Variants in INTS9 observed in about 807,000 individuals in gnomAD.
The protein encoded by INTS9 is protein related to CPSF subunits of 74 kDa.
INTS9 carries 55 observed loss-of-function variants against 79.7 expected under a neutral mutation model. The observed-to-expected ratio is 0.69, with a 90% CI of 0.56 to 0.86. The LOEUF is 0.86. Ranked by LOEUF, INTS9 falls within the 40% of genes least tolerant of loss-of-function variation. The pLI is 0.00. For synonymous variants in INTS9, 319 were observed against 325.2 expected, an observed-to-expected ratio of 0.98 and a Z score of 0.20; for missense variants, 721 against 831.5, an observed-to-expected ratio of 0.87 and a Z score of 1.64.
intron 6 of INTS9, among the ~76,000 whole-genome samples, chr8:28,826,919 C>T (rs1806180032): frequency 6.6e-6 from 1 of 152,166 alleles, no homozygotes; most frequent in Non-Finnish European, 1.5e-5. Flanking sequence ...CATATTTCTG[C>T]CCACAAAGTC....
intron 12 of INTS9, chr8:28,780,267 G>A (rs989252344): frequency 5.9e-5 from 6 of 101,142 alleles, no homozygotes; most frequent in East Asian, 3.6e-4. Flanking sequence ...AAAAAAAAAA[G>A]GTCTGTGCAT....
At chr8:28,850,144 G>A in intron 3 of INTS9, 69 bp downstream of exon 3, 2 of 1,245,100 alleles carry the variant, frequency 1.6e-6, no homozygotes, top group Non-Finnish European at 2.3e-6. Flanking sequence ...ACTACAGGGT[G>A]GCTCTGGTAT....
chr8:28,786,168 T>A (rs1016274211), intron 11 of INTS9, among the ~76,000 whole-genome samples: 9 of 152,358 alleles, frequency 5.9e-5, no homozygotes, highest in African/African-American at 2.2e-4. Flanking sequence ...ACACTGCATA[T>A]AATTGGAGCT....
At chr8:28,849,725 T>C (rs1035705242) in intron 3 of INTS9, among the ~76,000 whole-genome samples, 2 of 152,184 alleles carry the variant, frequency 1.3e-5, no homozygotes, top group Non-Finnish European at 2.9e-5. Context: ...TGTAACCTTC[T>C]GTGGCCTCTC....
chr8:28,835,769 G>A (rs1294767948), intron 5 of INTS9, among the ~76,000 whole-genome samples: 1 of 151,720 alleles, frequency 6.6e-6, no homozygotes, highest in African/African-American at 2.4e-5. Flanking sequence ...ACGTAGTAGG[G>A]TGTGGGCAGG....
chr8:28,840,588 T>C (rs1468929939), intron 4 of INTS9, among the ~76,000 whole-genome samples: 2 of 135,590 alleles, frequency 1.5e-5, no homozygotes, highest in Non-Finnish European at 1.6e-5. Context: ...GTGGCACATA[T>C]ACACCATGGA....
chr8:28,871,588 T>G (rs1048100622), intron 1 of INTS9, among the ~76,000 whole-genome samples: 3 of 152,082 alleles, frequency 2.0e-5, no homozygotes, highest in Non-Finnish European at 4.4e-5. Flanking sequence ...TATTTTTTTG[T>G]GGAGATGAAG....
At position 28,813,521 on chromosome 8, in the gene INTS9, T is replaced by C. The variant is rs758578426; in HGVS notation, c.580A>G (p.Ile194Val). ...MQEVNSALSK[I>V]QLVGYSQKIE... ...TTCTGAGAATATCCCACCAGCTGGA[T>C]TTTACTAAGGGCAGAGTTCACCTCT... Residue 194 changes from isoleucine (I) to valine (V), a missense_variant, in exon 7 of 17, where the codon ATC becomes GTC. Ile to Val is a conservative substitution (Grantham distance 29). This residue lies in a region of INTS9 where 291 missense variants were observed against 307.0 expected (regional missense o/e 0.95). Transcript: ENST00000521022. The C allele has an allele frequency of 1.5e-5, 25 of 1,613,588 alleles. No homozygotes were observed. The Middle Eastern group carries it at 4.9e-4, about 32-fold the overall frequency.
At chr8:28,787,508 T>C (rs1803678690) in intron 11 of INTS9, among the ~76,000 whole-genome samples, 1 of 152,196 alleles carries the variant, frequency 6.6e-6, no homozygotes, top group Non-Finnish European at 1.5e-5. Context: ...TCAAAGGAAA[T>C]GCTCATTGGA....
At chr8:28,823,414 C>A (rs925606307) in intron 6 of INTS9, among the ~76,000 whole-genome samples, 2 of 152,190 alleles carry the variant, frequency 1.3e-5, no homozygotes, top group African/African-American at 4.8e-5. Flanking sequence ...CCAGTCACTT[C>A]TCCACCCAAT....
Position 28,768,248 on chromosome 8 carries a change from GA to G in INTS9, c.1874del (p.Leu625ProfsTer39). On this transcript the variant is annotated frameshift_variant, in exon 17 of 17. Transcript: ENST00000521022. LOFTEE classifies it high-confidence loss of function. ...HIVLLQEAETLIQIEEDSTHI... is the reference protein window; with the variant it reads ...HIVLLQEAETXIQIEEDSTHI... ...GGGTCGAGTCTTCTTCAATCTGGAT[GA>G]GCGTCTCAGCCTCCTGGAGCAGGAC... is the stretch of plus-strand genomic sequence containing the variant. 6.2e-7 allele frequency: 1 copy of G among 1,614,126 alleles called. No homozygotes were observed. Among genetic ancestry groups the G allele is most frequent in the Non-Finnish European group, 8.5e-7 (1 of 1,180,016 alleles).
chr8:28,880,190 C>T (rs1809627282), intron 1 of INTS9, among the ~76,000 whole-genome samples: 1 of 151,864 alleles, frequency 6.6e-6, no homozygotes, highest in Non-Finnish European at 1.5e-5. Context: ...ATTATGCTTG[C>T]CTTTATTTTA....
chr8:28,882,493 AT>A (rs1809925933), intron 1 of INTS9, among the ~76,000 whole-genome samples: 5 of 144,246 alleles, frequency 3.5e-5, no homozygotes, highest in African/African-American at 1.3e-4. Flanking sequence ...ATAAAATAAA[AT>A]AAAAAAAAAA....
intron 8 of INTS9, among the ~76,000 whole-genome samples, chr8:28,803,723 T>C (rs1461246122): frequency 6.6e-6 from 1 of 152,220 alleles, no homozygotes; most frequent in African/African-American, 2.4e-5. Flanking sequence ...CAAATAGCTC[T>C]TAATGTCAGG....
At chr8:28,878,570 C>T (rs1402634321) in intron 1 of INTS9, among the ~76,000 whole-genome samples, 1 of 151,174 alleles carries the variant, frequency 6.6e-6, no homozygotes, top group Non-Finnish European at 1.5e-5. Context: ...GATCCTCCTG[C>T]CTTGGCCTCC....
At chr8:28,774,418 A>G (rs1342432449) in intron 14 of INTS9, among the ~76,000 whole-genome samples, 3 of 152,242 alleles carry the variant, frequency 2.0e-5, no homozygotes, top group African/African-American at 7.2e-5. Context: ...ATTTGTAAGG[A>G]TGTCTGAGAC....
At chr8:28,813,221 A>G (rs1415487177) in intron 7 of INTS9, among the ~76,000 whole-genome samples, 1 of 152,172 alleles carries the variant, frequency 6.6e-6, no homozygotes, top group Non-Finnish European at 1.5e-5. Context: ...TCACCCATCC[A>G]AAATCTATAA....
intron 10 of INTS9, among the ~76,000 whole-genome samples, chr8:28,792,038 C>T (rs1051870925): frequency 6.6e-6 from 1 of 152,184 alleles, no homozygotes; most frequent in African/African-American, 2.4e-5. Context: ...GAGAAATGTA[C>T]TTTACCACAG....
At chr8:28,849,723 T>C (rs1003784388) in intron 3 of INTS9, among the ~76,000 whole-genome samples, 1 of 152,098 alleles carries the variant, frequency 6.6e-6, no homozygotes, top group Admixed American at 6.5e-5. Flanking sequence ...TCTGTAACCT[T>C]CTGTGGCCTC....
Sources: gnomAD v4.1 joint callset for allele counts (sites outside exome capture counted in the v4.1 genomes callset) on GRCh38, gnomAD v4.1.1 for gene constraint, gnomAD v4.1.1 regional missense constraint, MANE v1.5 for transcripts, NCBI Gene and HGNC (gene_info 2026-07-23, HGNC 2026-07-21) for gene names.